Variants in SMYD3 observed in about 807,000 individuals in gnomAD.
SMYD3 encodes SET and MYND domain containing 3.
In SMYD3, 36 loss-of-function variants were observed where a neutral mutation model predicts 57.7. That is an observed-to-expected ratio of 0.62 (90% CI 0.48 to 0.82). SMYD3 has a LOEUF of 0.82. SMYD3 is among the 40% of genes least tolerant of loss of function. SMYD3 has a pLI of 0.00. For missense variants in SMYD3, 515 were observed against 538.8 expected (o/e 0.96, Z 0.44); for synonymous variants, 211 against 195.0 (o/e 1.08, Z -0.68).
intron 10 of SMYD3, among the ~76,000 whole-genome samples, chr1:245,851,137 T>A (rs2050950809): frequency 6.6e-6 from 1 of 152,118 alleles, no homozygotes; most frequent in African/African-American, 2.4e-5. Flanking sequence ...AAAAACCTTG[T>A]CCATCACTGG....
At chr1:246,473,766 G>T (rs981781543) in intron 1 of SMYD3, among the ~76,000 whole-genome samples, 9 of 152,140 alleles carry the variant, frequency 5.9e-5, no homozygotes, top group Non-Finnish European at 1.2e-4. Context: ...GGGCGAGGGG[G>T]TACCACTCCT....
intron 5 of SMYD3, among the ~76,000 whole-genome samples, chr1:246,114,456 TACA>T (rs1200122125): frequency 6.6e-6 from 1 of 152,158 alleles, no homozygotes; most frequent in Non-Finnish European, 1.5e-5. Context: ...AACCTGCTTG[TACA>T]ACATCCTGTT....
chr1:245,955,354 C>T (rs904187900), intron 5 of SMYD3, among the ~76,000 whole-genome samples: 4 of 151,864 alleles, frequency 2.6e-5, no homozygotes, highest in East Asian at 1.9e-4. Context: ...CTGGGATTAC[C>T]GGCATGAGCC....
chr1:246,223,518 T>C (rs375454547), intron 5 of SMYD3, among the ~76,000 whole-genome samples: 61 of 152,268 alleles, frequency 4.0e-4, no homozygotes, highest in African/African-American at 1.4e-3. Context: ...GGGAGGCATA[T>C]AGCACTTTAC....
rs866339782 is a variant in SMYD3, at chr1:245,818,121, G to C, written c.1076+40375C>G. 7.1e-3 allele frequency among the ~76,000 whole-genome samples: 1,075 copies of C among 152,144 alleles called. 11 individuals are homozygous for C. Among genetic ancestry groups the C allele is most frequent in the African/African-American group, 0.022 (895 of 41,512 alleles). ...CAGATTCACCAAAGTTGAAATGAAG[G>C]AAAAAATGTTAAGGGCAGCCAGAGA... On this transcript the variant is annotated intron_variant, in intron 10 of 11. Transcript: ENST00000490107.
At chr1:245,988,107 AACACACACACACAC>A (rs35432668) in intron 5 of SMYD3, among the ~76,000 whole-genome samples, 5 of 148,686 alleles carry the variant, frequency 3.4e-5, no homozygotes, top group Non-Finnish European at 7.5e-5. Flanking sequence ...AACCAAACCA[AACACACACACACAC>A]ACACACACAC....
At chr1:246,127,912 A>AAAAGG (rs1286756292) in intron 5 of SMYD3, among the ~76,000 whole-genome samples, 15 of 151,914 alleles carry the variant, frequency 9.9e-5, no homozygotes, top group African/African-American at 3.6e-4. Context: ...AAAAGAAAAG[A>AAAAGG]AAAGAAAAGA....
At chr1:246,292,724 G>A (rs139370356) in intron 5 of SMYD3, among the ~76,000 whole-genome samples, 28 of 152,140 alleles carry the variant, frequency 1.8e-4, no homozygotes, top group Non-Finnish European at 3.1e-4. Context: ...CCATGAACAC[G>A]TATTGCCAAC....
At chr1:246,324,009 C>CTATTTT (rs2065294314) in intron 5 of SMYD3, among the ~76,000 whole-genome samples, 1 of 152,158 alleles carries the variant, frequency 6.6e-6, no homozygotes, top group East Asian at 1.9e-4. Flanking sequence ...ACTAGTCCCT[C>CTATTTT]TATTTTTGTG....
At chr1:246,506,981 C>CCCCCCA in intron 1 of SMYD3, 73 bp downstream of exon 1, 1 of 805,620 alleles carries the variant, frequency 1.2e-6, no homozygotes, top group Non-Finnish European at 1.7e-6. Context: ...GGCTGCCGGC[C>CCCCCCA]GCCCGACGCC....
chr1:246,400,580 A>C (rs1404952971), intron 1 of SMYD3, among the ~76,000 whole-genome samples: 1 of 152,208 alleles, frequency 6.6e-6, no homozygotes, highest in Non-Finnish European at 1.5e-5. Context: ...AGACAACTTT[A>C]AGAAACAATA....
At chr1:246,281,199 G>C (rs867642583) in intron 5 of SMYD3, among the ~76,000 whole-genome samples, 3 of 152,238 alleles carry the variant, frequency 2.0e-5, no homozygotes, top group African/African-American at 7.2e-5. Flanking sequence ...TGAGAAGGAA[G>C]TGGGGTCCCC....
chr1:245,759,412 G>C (rs1466878738), intron 11 of SMYD3, among the ~76,000 whole-genome samples: 1 of 152,048 alleles, frequency 6.6e-6, no homozygotes, highest in Non-Finnish European at 1.5e-5. Flanking sequence ...AAGGGCTTCA[G>C]GGAGCCTCTG....
intron 10 of SMYD3, among the ~76,000 whole-genome samples, chr1:245,832,800 T>C (rs2049908057): frequency 6.6e-6 from 1 of 152,100 alleles, no homozygotes. Context: ...AATATTCAAG[T>C]TTCATGTGCC....
intron 1 of SMYD3, among the ~76,000 whole-genome samples, chr1:246,495,158 G>C (rs2068338261): frequency 1.3e-5 from 2 of 151,830 alleles, no homozygotes; most frequent in Admixed American, 1.3e-4. Flanking sequence ...GACCATCCTG[G>C]CTAACACGGT....
intron 10 of SMYD3, among the ~76,000 whole-genome samples, chr1:245,817,275 C>T (rs1340439958): frequency 1.3e-4 from 18 of 143,308 alleles, no homozygotes; most frequent in South Asian, 2.2e-4. Context: ...AGGCACCCCC[C>T]AGCAGGGGCA....
At chr1:246,209,774 C>T (rs1042500583) in intron 5 of SMYD3, among the ~76,000 whole-genome samples, 1 of 152,110 alleles carries the variant, frequency 6.6e-6, no homozygotes, top group South Asian at 2.1e-4. Flanking sequence ...GGGGGGCTAC[C>T]CCTCCCCACT....
intron 9 of SMYD3, among the ~76,000 whole-genome samples, chr1:245,861,617 T>C (rs12123089): frequency 0.54 from 82,089 of 152,022 alleles, 25,484 homozygotes; most frequent in Non-Finnish European, 0.71. Context: ...AGCTTCTCAG[T>C]AGCAATGCAT....
At chr1:246,400,482 C>T (rs1330195575) in intron 1 of SMYD3, among the ~76,000 whole-genome samples, 8 of 152,194 alleles carry the variant, frequency 5.3e-5, no homozygotes, top group Non-Finnish European at 1.0e-4. Flanking sequence ...GCAGTCCTCC[C>T]GCCCGAGCCT....
Sources: allele counts gnomAD v4.1 joint callset (sites outside exome capture counted in the v4.1 genomes callset), GRCh38; gene constraint gnomAD v4.1.1; transcripts MANE v1.5; gene names NCBI Gene and HGNC (gene_info 2026-07-23, HGNC 2026-07-21).